RCAN2: variants seen among roughly 807,000 people sequenced by gnomAD.
RCAN2 encodes the protein calcipressin-2.
A neutral mutation model predicts 23.6 loss-of-function variants in RCAN2; 9 were observed. The observed-to-expected ratio is 0.38, with a 90% confidence interval of 0.23 to 0.67. RCAN2 has a LOEUF of 0.67. Among genes scored for constraint, RCAN2 ranks in the 30% least tolerant of loss-of-function variants. The pLI, the probability that RCAN2 is intolerant of heterozygous loss-of-function variation, is 0.51. For synonymous variants in RCAN2, 109 were observed against 115.7 expected, an observed-to-expected ratio of 0.94 and a Z score of 0.37; for missense variants, 273 against 302.3, an observed-to-expected ratio of 0.90 and a Z score of 0.72.
At chr6:46,292,443 T>G (rs1332326853) in intron 2 of RCAN2, among the ~76,000 whole-genome samples, 52 of 150,574 alleles carry the variant, frequency 3.5e-4, no homozygotes, top group Admixed American at 1.1e-3. Context: ...TTTTTGTTTT[T>G]TTTTTTGGTG....
intron 2 of RCAN2, among the ~76,000 whole-genome samples, chr6:46,405,741 C>A (rs978700581): frequency 6.6e-6 from 1 of 152,244 alleles, no homozygotes; most frequent in Non-Finnish European, 1.5e-5. Context: ...GTGGAGCTGC[C>A]TGCCAGTCCC....
chr6:46,332,460 TC>T (rs377217034), intron 2 of RCAN2, among the ~76,000 whole-genome samples: 3,591 of 108,020 alleles, frequency 0.033, 183 homozygotes, highest in African/African-American at 0.15. Flanking sequence ...CCCTCCCCCC[TC>T]CCCCCACCCC....
At chr6:46,483,271 G>A (rs190849845) in intron 1 of RCAN2, among the ~76,000 whole-genome samples, 2 of 152,286 alleles carry the variant, frequency 1.3e-5, no homozygotes, top group Admixed American at 1.3e-4. Flanking sequence ...TAGATCCAGA[G>A]GAGCCACAGG....
At chr6:46,346,937 G>C (rs191729361) in intron 2 of RCAN2, among the ~76,000 whole-genome samples, 1 of 151,800 alleles carries the variant, frequency 6.6e-6, no homozygotes, top group Non-Finnish European at 1.5e-5. Context: ...GTGCAGTGGC[G>C]TGATCTCCGC....
chr6:46,458,522 T>C (rs1282971369), intron 1 of RCAN2, among the ~76,000 whole-genome samples: 1 of 152,108 alleles, frequency 6.6e-6, no homozygotes, highest in Admixed American at 6.5e-5. Flanking sequence ...AATAAAACAA[T>C]TCTTGCACTC....
chr6:46,375,210 G>T (rs191447654), intron 2 of RCAN2, among the ~76,000 whole-genome samples: 1 of 152,220 alleles, frequency 6.6e-6, no homozygotes. Context: ...CTCCCAAAGT[G>T]CTGGGATTAC....
At chr6:46,350,413 G>A (rs1247310530) in intron 2 of RCAN2, among the ~76,000 whole-genome samples, 3 of 152,182 alleles carry the variant, frequency 2.0e-5, no homozygotes, top group Admixed American at 6.5e-5. Context: ...CTTAGATGGG[G>A]GCAGTGTTGC....
intron 2 of RCAN2, among the ~76,000 whole-genome samples, chr6:46,425,612 T>C (rs1767009038): frequency 6.6e-6 from 1 of 152,004 alleles, no homozygotes; most frequent in East Asian, 1.9e-4. Flanking sequence ...TCTTGCTCAT[T>C]TTCTACAATC....
intron 4 of RCAN2, among the ~76,000 whole-genome samples, chr6:46,241,842 T>C (rs1347994675): frequency 3.3e-5 from 5 of 152,228 alleles, no homozygotes; most frequent in African/African-American, 1.2e-4. Flanking sequence ...TAAATAATAT[T>C]GTAAGGTATT....
intron 2 of RCAN2, among the ~76,000 whole-genome samples, chr6:46,402,641 C>A (rs1766283135): frequency 6.6e-6 from 1 of 152,180 alleles, no homozygotes; most frequent in Admixed American, 6.5e-5. Context: ...AGGAACACTG[C>A]TCAGACAGGT....
chr6:46,421,215 A>G (rs1410619919), intron 2 of RCAN2, among the ~76,000 whole-genome samples: 1 of 152,200 alleles, frequency 6.6e-6, no homozygotes, highest in Non-Finnish European at 1.5e-5. Context: ...ATGATGTACA[A>G]AACAGATTAA....
At chr6:46,279,529 C>G (rs1767831302) in intron 2 of RCAN2, among the ~76,000 whole-genome samples, 1 of 152,186 alleles carries the variant, frequency 6.6e-6, no homozygotes. Context: ...CAGATACTCT[C>G]AAATGTCTCC....
intron 2 of RCAN2, among the ~76,000 whole-genome samples, chr6:46,318,643 T>G (rs1365656060): frequency 6.6e-6 from 1 of 152,100 alleles, no homozygotes; most frequent in Non-Finnish European, 1.5e-5. Flanking sequence ...GCAATTACCA[T>G]TAACTAGTTA....
intron 2 of RCAN2, among the ~76,000 whole-genome samples, chr6:46,310,310 T>C (rs1181468392): frequency 6.6e-6 from 1 of 152,078 alleles, no homozygotes; most frequent in Non-Finnish European, 1.5e-5. Flanking sequence ...ATTCAGATGG[T>C]ATTATGTTGT....
chr6:46,394,451 C>A (rs577398499), intron 2 of RCAN2, among the ~76,000 whole-genome samples: 4 of 152,264 alleles, frequency 2.6e-5, no homozygotes, highest in Admixed American at 2.6e-4. Context: ...GAAATAAAAG[C>A]ATAGAATGCT....
chr6:46,240,769 G>A (rs905095852), intron 4 of RCAN2, among the ~76,000 whole-genome samples: 2 of 152,018 alleles, frequency 1.3e-5, no homozygotes, highest in African/African-American at 4.8e-5. Context: ...TTTAGTATAG[G>A]TTACATTAGT....
At chr6:46,308,045 T>C (rs188115967) in intron 2 of RCAN2, among the ~76,000 whole-genome samples, 4 of 152,292 alleles carry the variant, frequency 2.6e-5, no homozygotes, top group African/African-American at 9.6e-5. Flanking sequence ...AGGGCAAAGA[T>C]GCTGTGAGAA....
intron 2 of RCAN2, among the ~76,000 whole-genome samples, chr6:46,368,081 G>T (rs562195496): frequency 3.7e-4 from 56 of 152,298 alleles, no homozygotes; most frequent in African/African-American, 1.2e-3. Context: ...GCTTTGTGGA[G>T]CATATTGTCT....
At chr6:46,232,412 T>C (rs1485720811) in intron 4 of RCAN2, among the ~76,000 whole-genome samples, 2 of 152,140 alleles carry the variant, frequency 1.3e-5, no homozygotes, top group Non-Finnish European at 2.9e-5. Context: ...TATCAAAGGC[T>C]CTGGGTCAGA....
Sources: gnomAD v4.1 joint callset for allele counts (sites outside exome capture counted in the v4.1 genomes callset) on GRCh38, gnomAD v4.1.1 for gene constraint, MANE v1.5 for transcripts, NCBI Gene and HGNC (gene_info 2026-07-23, HGNC 2026-07-21) for gene names.